The following JAKMIP3 variants were observed in gnomAD, a reference collection of about 807,000 sequenced individuals.
The protein encoded by JAKMIP3 is janus kinase and microtubule-interacting protein 3.
A neutral mutation model predicts 118.5 loss-of-function variants in JAKMIP3; 58 were observed. The ratio of observed to expected loss-of-function variants is 0.49; its 90% CI spans 0.40 to 0.61. The LOEUF (loss-of-function observed/expected upper bound fraction) is 0.61, where lower values mean the gene tolerates loss of function less well. Ranked by LOEUF, JAKMIP3 falls within the 20% of genes least tolerant of loss-of-function variation. JAKMIP3 has a pLI of 0.00. For missense variants in JAKMIP3, 950 were observed against 1,109.0 expected (o/e 0.86, Z 2.04); for synonymous variants, 486 against 451.2 (o/e 1.08, Z -0.98).
In JAKMIP3 at chr10:132,122,010, G is replaced by A. The variant is rs573812144; in HGVS notation, c.633+4436G>A. Among the ~76,000 whole-genome samples the A allele has an allele frequency of 1.6e-4, 24 of 152,346 alleles. 1 individual carries two copies. The South Asian group carries it at 2.7e-3, about 17-fold the overall frequency. The stretch of plus-strand genomic sequence containing the variant: ...TGCCTCCCTAACTCTGGCCAGCAAA[G>A]CCTCCTGTCTTTACTTTGGGTCTGT... On this transcript the variant is annotated intron_variant, in intron 3 of 23. Transcript: ENST00000684848.
chr10:132,139,204 G>GTGTCTT (rs1554946286), intron 9 of JAKMIP3, among the ~76,000 whole-genome samples: 1 of 130,340 alleles, frequency 7.7e-6, no homozygotes, highest in Admixed American at 7.6e-5. Flanking sequence ...GTATGAGTGT[G>GTGTCTT]TGTGTGTATG....
rs148693546 is a variant in JAKMIP3 at position 132,126,499 on chromosome 10, C to T, written c.634-6813C>T. Reference sequence around the variant, plus strand: ...TAAATTTGTTGTAGAGACAGGGTCTCGCTTTGTTGCCCAGGCTGGTCGTGA... The same window carrying T: ...TAAATTTGTTGTAGAGACAGGGTCTTGCTTTGTTGCCCAGGCTGGTCGTGA... On this transcript the variant is annotated intron_variant, in intron 3 of 23. Transcript: ENST00000684848. Among the ~76,000 whole-genome samples, 118 of 150,470 alleles carry T rather than the reference C, an allele frequency of 7.8e-4. 2 individuals are homozygous for T. In the East Asian group the frequency reaches 0.019, roughly 24 times the overall value.
At chr10:132,070,771 T>G (rs1280958087) in intron 1 of JAKMIP3, among the ~76,000 whole-genome samples, 1 of 152,160 alleles carries the variant, frequency 6.6e-6, no homozygotes, top group African/African-American at 2.4e-5. Flanking sequence ...GCACATGTCA[T>G]AGTTTTGGGG....
intron 1 of JAKMIP3, among the ~76,000 whole-genome samples, chr10:132,083,312 G>A (rs1046908216): frequency 6.6e-6 from 1 of 152,118 alleles, no homozygotes; most frequent in East Asian, 1.9e-4. Context: ...TCATATGTTT[G>A]TTGGCCATTT....
intron 12 of JAKMIP3, 61 bp downstream of exon 12, chr10:132,145,251 TACCTAAAG>T: frequency 7.4e-7 from 1 of 1,355,462 alleles, no homozygotes; most frequent in African/African-American, 1.4e-5. Context: ...TATTTGGCTG[TACCTAAAG>T]ACAAGCTTCA....
At chr10:132,113,871 A>T (rs533848522) in intron 2 of JAKMIP3, among the ~76,000 whole-genome samples, 1 of 152,238 alleles carries the variant, frequency 6.6e-6, no homozygotes, top group African/African-American at 2.4e-5. Flanking sequence ...CACTTTTACA[A>T]TAAATCCATG....
intron 9 of JAKMIP3, 49 bp downstream of exon 9, chr10:132,138,227 G>T: frequency 1.3e-6 from 2 of 1,517,832 alleles, no homozygotes; most frequent in East Asian, 2.4e-5. Flanking sequence ...GGGTGTGTGC[G>T]GAGAGGACCA....
At position 132,080,503 on chromosome 10, in the gene JAKMIP3, A is replaced by ATTTTTTTTTTTTTTT. The variant is rs201838731; in HGVS notation, c.-138+14464_-138+14478dup. Among the ~76,000 whole-genome samples, 4 of 61,580 alleles carry ATTTTTTTTTTTTTTT rather than the reference A, an allele frequency of 6.5e-5. 1 individual carries two copies. Among genetic ancestry groups the ATTTTTTTTTTTTTTT allele is most frequent in the African/African-American group, 1.4e-4 (2 of 14,266 alleles). 40.4% of individuals were successfully genotyped at this position (61,580 alleles called of 152,430 possible). A position where few individuals can be genotyped will look rare whatever the true frequency, so the allele number is the denominator to read the frequency against. ...TATTTTCTTGCTGTCAAGTTATAGG[A>ATTTTTTTTTTTTTTT]TTTTTTTTTTTTTTTTTTTTTTTTT... On this transcript the variant is annotated intron_variant, in intron 1 of 23. Transcript: ENST00000684848.
Position 132,138,406 on chromosome 10 carries a change from G to T in JAKMIP3, c.1344+228G>T, listed in dbSNP as rs115264851. 5.8e-3 allele frequency among the ~76,000 whole-genome samples: 879 copies of T among 151,282 alleles called. 7 individuals carry two copies. The highest frequency in any genetic ancestry group is 0.02 in the African/African-American group (829 of 41,024). On this transcript the variant is annotated intron_variant, in intron 9 of 23. Coordinates refer to ENST00000684848, the MANE Select transcript of JAKMIP3 (RefSeq NM_001323087.2). ...TGTGGAGAGTACGCCGGGTGTGTGC[G>T]GAGAGGGGTGCGCCGGTGTATGTGG...
At chr10:132,097,652 A>G (rs1459526096) in intron 1 of JAKMIP3, among the ~76,000 whole-genome samples, 2 of 151,920 alleles carry the variant, frequency 1.3e-5, no homozygotes, top group Non-Finnish European at 2.9e-5. Context: ...GCTGTTTTCC[A>G]AGATGTTCTC....
intron 1 of JAKMIP3, among the ~76,000 whole-genome samples, chr10:132,050,417 G>A (rs2038065116): frequency 1.3e-5 from 2 of 152,322 alleles, no homozygotes; most frequent in East Asian, 1.9e-4. Context: ...GGGTCCCTGT[G>A]GTTTCTGCCG....
At chr10:132,052,144 T>G (rs979874292) in intron 1 of JAKMIP3, among the ~76,000 whole-genome samples, 1 of 152,216 alleles carries the variant, frequency 6.6e-6, no homozygotes, top group Non-Finnish European at 1.5e-5. Context: ...GAGAACCACC[T>G]GAGCCTGGGA....
chr10:132,057,122 A>G (rs1447622530), intron 1 of JAKMIP3, among the ~76,000 whole-genome samples: 1 of 152,134 alleles, frequency 6.6e-6, no homozygotes, highest in East Asian at 1.9e-4. Context: ...GGGGAAAGGA[A>G]TGGGGGCTGG....
intron 1 of JAKMIP3, among the ~76,000 whole-genome samples, chr10:132,095,086 C>T (rs140725696): frequency 9.8e-5 from 15 of 152,314 alleles, no homozygotes; most frequent in Non-Finnish European, 2.1e-4. Context: ...GTGTCCCCCA[C>T]AGCAGCCTTG....
At chr10:132,058,660 A>G (rs1479803044) in intron 1 of JAKMIP3, among the ~76,000 whole-genome samples, 1 of 152,162 alleles carries the variant, frequency 6.6e-6, no homozygotes, top group African/African-American at 2.4e-5. Context: ...GTGTGTGAGG[A>G]TCAAAAAAGT....
At chr10:132,084,147 T>C (rs1334475428) in intron 1 of JAKMIP3, among the ~76,000 whole-genome samples, 1 of 152,208 alleles carries the variant, frequency 6.6e-6, no homozygotes, top group Non-Finnish European at 1.5e-5. Context: ...GTTTACAATA[T>C]TGATTCTACC....
At chr10:132,037,855 G>A (rs918546928) in intron 1 of JAKMIP3, among the ~76,000 whole-genome samples, 3 of 152,338 alleles carry the variant, frequency 2.0e-5, no homozygotes, top group Middle Eastern at 3.4e-3. Flanking sequence ...CCCCTGCCCC[G>A]GGGGCCTGGC....
chr10:132,045,197 C>T (rs1427137940), intron 1 of JAKMIP3, among the ~76,000 whole-genome samples: 1 of 152,130 alleles, frequency 6.6e-6, no homozygotes, highest in Admixed American at 6.6e-5. Context: ...CATTCTGTTC[C>T]GTTTTGATCC....
chr10:132,114,845 G>T (rs1246398269), intron 2 of JAKMIP3, among the ~76,000 whole-genome samples: 2 of 152,004 alleles, frequency 1.3e-5, no homozygotes, highest in East Asian at 1.9e-4. Flanking sequence ...AAAAGTGTTG[G>T]TTTTTTTGAT....
Sources: gnomAD v4.1 joint callset for allele counts (sites outside exome capture counted in the v4.1 genomes callset) on GRCh38, gnomAD v4.1.1 for gene constraint, MANE v1.5 for transcripts, NCBI Gene and HGNC (gene_info 2026-07-23, HGNC 2026-07-21) for gene names.